AEBP2: variants seen among roughly 807,000 people sequenced by gnomAD.
AEBP2 encodes zinc finger protein AEBP2.
A neutral mutation model predicts 50.8 loss-of-function variants in AEBP2; 10 were observed. The ratio of observed to expected loss-of-function variants is 0.20; its 90% CI spans 0.12 to 0.33. The LOEUF is 0.33. AEBP2 is among the 10% of genes least tolerant of loss of function. The pLI, the probability that AEBP2 is intolerant of heterozygous loss-of-function variation, is 1.00. For missense variants in AEBP2, 570 were observed against 688.0 expected, an observed-to-expected ratio of 0.83 and a Z score of 1.92; for synonymous variants, 296 against 261.3, an observed-to-expected ratio of 1.13 and a Z score of -1.28.
chr12:19,423,279 T>G (rs898959520), intron 1 of AEBP2, among the ~76,000 whole-genome samples: 1 of 152,020 alleles, frequency 6.6e-6, no homozygotes, highest in Non-Finnish European at 1.5e-5. Flanking sequence ...GATTTTATAT[T>G]GTTCATCCCT....
chr12:19,439,012 A>G (rs1182889775), upstream of AEBP2, among the ~76,000 whole-genome samples: 1 of 152,180 alleles, frequency 6.6e-6, no homozygotes, highest in Non-Finnish European at 1.5e-5. Flanking sequence ...AGGACCCTGA[A>G]CCAAGATGTT....
At chr12:19,516,814 G>T (rs1265086686) in intron 7 of AEBP2, among the ~76,000 whole-genome samples, 1 of 152,064 alleles carries the variant, frequency 6.6e-6, no homozygotes, top group African/African-American at 2.4e-5. Context: ...ATCACTTGAG[G>T]CCAGGAGTTT....
intron 1 of AEBP2, among the ~76,000 whole-genome samples, chr12:19,454,751 C>T (rs1215314413): frequency 6.6e-6 from 1 of 152,038 alleles, no homozygotes; most frequent in East Asian, 1.9e-4. Context: ...TAGGCTAGAC[C>T]TCACCAAAGA....
At chr12:19,445,822 C>T (rs1459904491) in intron 1 of AEBP2, 1 of 152,112 alleles carries the variant, frequency 6.6e-6, no homozygotes, top group Non-Finnish European at 1.5e-5. Flanking sequence ...GCCTAAAAGC[C>T]TTCATATGAA....
chr12:19,481,845 A>C (rs573163708), intron 3 of AEBP2, among the ~76,000 whole-genome samples: 188 of 152,224 alleles, frequency 1.2e-3, no homozygotes, highest in Middle Eastern at 3.4e-3. Flanking sequence ...CTGTTTCTTT[A>C]TGATATTTTT....
At chr12:19,475,059 G>C (rs1266104964) in intron 3 of AEBP2, among the ~76,000 whole-genome samples, 1 of 152,140 alleles carries the variant, frequency 6.6e-6, no homozygotes, top group Non-Finnish European at 1.5e-5. Flanking sequence ...CCAAAGTGCT[G>C]GGATTAACCA....
chr12:19,409,573 A>G (rs558735407), intron 1 of AEBP2, among the ~76,000 whole-genome samples: 2 of 152,302 alleles, frequency 1.3e-5, no homozygotes, highest in African/African-American at 4.8e-5. Context: ...TTCCACGTGG[A>G]CTGCCAAGTT....
At chr12:19,467,894 C>T (rs1274948918) in intron 2 of AEBP2, among the ~76,000 whole-genome samples, 1 of 151,626 alleles carries the variant, frequency 6.6e-6, no homozygotes, top group Admixed American at 6.6e-5. Context: ...AGAGGCAAAG[C>T]GAGGAGATTG....
chr12:19,489,799 A>C (rs988461460), intron 3 of AEBP2, among the ~76,000 whole-genome samples: 2 of 151,836 alleles, frequency 1.3e-5, no homozygotes, highest in African/African-American at 4.8e-5. Context: ...GTTTGTATTT[A>C]AGTGAAATAT....
At chr12:19,442,222 A>G (rs1947974596) in intron 1 of AEBP2, among the ~76,000 whole-genome samples, 1 of 152,206 alleles carries the variant, frequency 6.6e-6, no homozygotes, top group Non-Finnish European at 1.5e-5. Context: ...AGCCTGGCCA[A>G]CATAGTGAAA....
chr12:19,450,628 G>C (rs1285283190), intron 1 of AEBP2, among the ~76,000 whole-genome samples: 2 of 139,756 alleles, frequency 1.4e-5, no homozygotes, highest in African/African-American at 5.4e-5. Flanking sequence ...CCAGGAGTTT[G>C]AGACCAGCCT....
At chr12:19,432,397 T>A (rs2095751869) in intron 1 of AEBP2, among the ~76,000 whole-genome samples, 1 of 152,206 alleles carries the variant, frequency 6.6e-6, no homozygotes, top group African/African-American at 2.4e-5. Flanking sequence ...CTGTTTTGTT[T>A]GTATCCCAAA....
intron 1 of AEBP2, among the ~76,000 whole-genome samples, chr12:19,415,360 T>A (rs1592703428): frequency 9.5e-6 from 1 of 104,870 alleles, no homozygotes; most frequent in Non-Finnish European, 2.0e-5. Context: ...AATATATATA[T>A]ATATATATAT....
intron 7 of AEBP2, 74 bp from the exon 8 acceptor site, chr12:19,518,013 T>C (rs1472964018): frequency 7.4e-7 from 1 of 1,359,608 alleles, no homozygotes; most frequent in African/African-American, 1.5e-5. Context: ...TTATTAATAT[T>C]TTTAATGTCT....
chr12:19,451,425 G>C (rs568939245), intron 1 of AEBP2, among the ~76,000 whole-genome samples: 4 of 152,090 alleles, frequency 2.6e-5, no homozygotes, highest in African/African-American at 7.2e-5. Flanking sequence ...TGTTCTTCAC[G>C]GGATCTGTTC....
At chr12:19,421,784 C>A (rs1288795249) in intron 1 of AEBP2, among the ~76,000 whole-genome samples, 4 of 152,152 alleles carry the variant, frequency 2.6e-5, no homozygotes, top group Non-Finnish European at 5.9e-5. Flanking sequence ...AGCTATTTAG[C>A]ATGAGGAGGG....
At chr12:19,453,439 A>C (rs969382719) in intron 1 of AEBP2, among the ~76,000 whole-genome samples, 11 of 106,288 alleles carry the variant, frequency 1.0e-4, no homozygotes, top group Non-Finnish European at 2.0e-4. Flanking sequence ...TTTTTTTTTG[A>C]GAAGGAGTCT....
chr12:19,521,061 C>A lies in AEBP2; in HGVS notation c.*2944C>A, dbSNP rs557298114. On this transcript the variant is annotated 3_prime_UTR_variant, in exon 8 of 8. Coordinates refer to ENST00000266508, the MANE Select transcript of AEBP2 (RefSeq NM_153207.5). ...GTCTCATTATGTATATGCAGATACT[C>A]AAAAATCTGAAAAAAATCAAAAATC... 6.6e-5 allele frequency: 10 copies of A among 152,090 alleles called. No individual in the cohort carries two copies. Among genetic ancestry groups the A allele is most frequent in the Admixed American group, 3.9e-4 (6 of 15,278 alleles). The allele number at this position is 152,090 out of a possible 1,614,324, so 9.4% of individuals were successfully genotyped here. A position where few individuals can be genotyped will look rare whatever the true frequency, so the allele number is the denominator to read the frequency against.
chr12:19,418,149 A>G (rs1198327391), intron 1 of AEBP2, among the ~76,000 whole-genome samples: 2 of 152,162 alleles, frequency 1.3e-5, no homozygotes, highest in East Asian at 1.9e-4. Context: ...ATGAGACTTC[A>G]TCTACATAAT....
Sources: allele counts gnomAD v4.1 joint callset (sites outside exome capture counted in the v4.1 genomes callset), GRCh38; gene constraint gnomAD v4.1.1; transcripts MANE v1.5; gene names NCBI Gene and HGNC (gene_info 2026-07-23, HGNC 2026-07-21).